MTUS1: variants seen among roughly 807,000 people sequenced by gnomAD.
MTUS1 encodes the protein microtubule-associated tumor suppressor 1.
In MTUS1, 109 loss-of-function variants were observed where a neutral mutation model predicts 120.8. That is an observed-to-expected ratio of 0.90 (90% CI 0.77 to 1.06). The LOEUF (loss-of-function observed/expected upper bound fraction) is 1.06, where lower values mean the gene tolerates loss of function less well. Among genes scored for constraint, MTUS1 ranks in the 50% least tolerant of loss-of-function variants. MTUS1 has a pLI of 0.00. For synonymous variants in MTUS1, 737 were observed against 550.5 expected, an observed-to-expected ratio of 1.34 and a Z score of -4.74; for missense variants, 2,210 against 1,486.3, an observed-to-expected ratio of 1.49 and a Z score of -8.01.
chr8:17,711,453 CT>C (rs142596228), intron 6 of MTUS1, among the ~76,000 whole-genome samples: 22,453 of 150,916 alleles, frequency 0.15, 1,745 homozygotes, highest in Non-Finnish European at 0.16. Context: ...TAGCTTCCAG[CT>C]TTTTTTTTTC....
rs374702471 is a variant in MTUS1 at position 17,654,512 on chromosome 8, G to A, written c.3214+49C>T. Reference sequence around the variant, plus strand: ...TCATTTCCATCTTAAAACATCATGTGGTTCCTTCAGATTTTATTCTGTTTA... The same window carrying A: ...TCATTTCCATCTTAAAACATCATGTAGTTCCTTCAGATTTTATTCTGTTTA... On this transcript the variant is annotated intron_variant, in intron 10 of 14. Coordinates refer to ENST00000693296, the MANE Select transcript of MTUS1 (RefSeq NM_001363059.2). The A allele has an allele frequency of 1.5e-5, 18 of 1,193,378 alleles. No homozygotes were observed. In the African/African-American group the frequency reaches 2.7e-4, roughly 18 times the overall value. 73.9% of individuals were successfully genotyped at this position (1,193,378 alleles called of 1,614,324 possible). A position where few individuals can be genotyped will look rare whatever the true frequency, so the allele number is the denominator to read the frequency against.
At chr8:17,726,939 T>C (rs2131142136) in intron 3 of MTUS1, among the ~76,000 whole-genome samples, 1 of 152,288 alleles carries the variant, frequency 6.6e-6, no homozygotes, top group Non-Finnish European at 1.5e-5. Flanking sequence ...CCTCATAGCT[T>C]TGTTTCTAAA....
intron 1 of MTUS1, among the ~76,000 whole-genome samples, chr8:17,760,118 G>T (rs2131373428): frequency 6.6e-6 from 1 of 150,906 alleles, no homozygotes; most frequent in African/African-American, 2.4e-5. Flanking sequence ...CAGAAGGCTA[G>T]GGAGAAAGGA....
chr8:17,667,057 T>C (rs746795159), intron 8 of MTUS1, among the ~76,000 whole-genome samples: 4 of 152,120 alleles, frequency 2.6e-5, no homozygotes, highest in African/African-American at 7.2e-5. Flanking sequence ...AGACTGGAGT[T>C]AGGACAAGGA....
chr8:17,722,287 T>A lies in MTUS1; in HGVS notation c.2449+1385A>T, dbSNP rs962310330. Reference sequence around the variant, plus strand: ...CGGGGCTGTGGCACTACAGACTGTGTCTGCTTCAAGTGCCACAAATTCTGT... The same window carrying A: ...CGGGGCTGTGGCACTACAGACTGTGACTGCTTCAAGTGCCACAAATTCTGT... On this transcript the variant is annotated intron_variant, in intron 4 of 14. Coordinates refer to ENST00000693296, the MANE Select transcript of MTUS1 (RefSeq NM_001363059.2). 7 of 982,240 alleles carry A rather than the reference T, an allele frequency of 7.1e-6. No homozygotes were observed. In the African/African-American group the frequency reaches 1.0e-4, roughly 15 times the overall value. 60.8% of individuals were successfully genotyped at this position (982,240 alleles called of 1,614,324 possible). A position where few individuals can be genotyped will look rare whatever the true frequency, so the allele number is the denominator to read the frequency against.
chr8:17,745,069 G>C (rs1331372163), intron 2 of MTUS1, among the ~76,000 whole-genome samples: 1 of 152,052 alleles, frequency 6.6e-6, no homozygotes, highest in Non-Finnish European at 1.5e-5. Context: ...CTCATATTTG[G>C]GTCAGAATAA....
intron 3 of MTUS1, among the ~76,000 whole-genome samples, 186 bp downstream of exon 3, chr8:17,743,418 C>G (rs1056783007): frequency 1.3e-5 from 2 of 152,196 alleles, no homozygotes; most frequent in Non-Finnish European, 2.9e-5. Context: ...CTCTCCTCAA[C>G]TAGCCTTTGC....
chr8:17,678,373 A>C (rs1471060662), intron 7 of MTUS1, among the ~76,000 whole-genome samples: 3 of 31,688 alleles, frequency 9.5e-5, no homozygotes, highest in Non-Finnish European at 2.3e-4. Context: ...GAAAAAAGAG[A>C]AAGGTGGAAA....
intron 1 of MTUS1, among the ~76,000 whole-genome samples, chr8:17,768,353 A>G (rs527794541): frequency 7.9e-5 from 12 of 152,340 alleles, no homozygotes; most frequent in African/African-American, 2.9e-4. Context: ...AGAGGTTCAA[A>G]ACATGAATAA....
intron 7 of MTUS1, among the ~76,000 whole-genome samples, chr8:17,682,016 A>G (rs1314766079): frequency 6.6e-6 from 1 of 152,172 alleles, no homozygotes; most frequent in East Asian, 1.9e-4. Flanking sequence ...CACTTACCAC[A>G]CATCTCAATT....
intron 2 of MTUS1, among the ~76,000 whole-genome samples, chr8:17,751,862 TAAAAAAAAAAAAA>T (rs56362055): frequency 3.1e-5 from 3 of 96,546 alleles, no homozygotes; most frequent in Admixed American, 2.6e-4. Context: ...GACTCTGCCT[TAAAAAAAAAAAAA>T]AAAAAAAAAA....
intron 6 of MTUS1, among the ~76,000 whole-genome samples, chr8:17,698,444 C>T (rs1297714188): frequency 1.3e-5 from 2 of 152,054 alleles, no homozygotes; most frequent in African/African-American, 4.8e-5. Context: ...CAACAATATG[C>T]CCACTTAAGC....
intron 6 of MTUS1, chr8:17,705,883 T>G (rs1331401460): frequency 6.6e-6 from 1 of 152,244 alleles, no homozygotes; most frequent in Non-Finnish European, 1.5e-5. Context: ...CTCTGATGCC[T>G]CTGGTATGCC....
intron 1 of MTUS1, among the ~76,000 whole-genome samples, chr8:17,766,056 T>C (rs544949496): frequency 4.9e-4 from 74 of 152,312 alleles, no homozygotes; most frequent in Non-Finnish European, 9.3e-4. Flanking sequence ...TTTACCTTTG[T>C]TTAAATAAAA....
chr8:17,663,699 G>A (rs1048637782), intron 8 of MTUS1, among the ~76,000 whole-genome samples: 2 of 152,060 alleles, frequency 1.3e-5, no homozygotes, highest in African/African-American at 4.8e-5. Flanking sequence ...AGGTTTAAGC[G>A]ATTCTCCTGC....
At chr8:17,713,459 G>C (rs370002746) in intron 5 of MTUS1, among the ~76,000 whole-genome samples, 2 of 151,948 alleles carry the variant, frequency 1.3e-5, no homozygotes, top group South Asian at 2.1e-4. Flanking sequence ...AAATGTTTAA[G>C]TATGATATGA....
At chr8:17,725,906 C>G (rs531720561) in intron 3 of MTUS1, among the ~76,000 whole-genome samples, 4 of 152,136 alleles carry the variant, frequency 2.6e-5, no homozygotes, top group Non-Finnish European at 4.4e-5. Context: ...GGATGGTGAT[C>G]GTAGTTTCAA....
chr8:17,754,762 T>A lies in MTUS1; in HGVS notation c.1046A>T (p.Glu349Val). 6.2e-7 allele frequency: 1 copy of A among 1,614,260 alleles called. No individual in the cohort carries two copies. Among genetic ancestry groups the A allele is most frequent in the Non-Finnish European group, 8.5e-7 (1 of 1,180,048 alleles). The change falls in exon 2 of 15, where the codon GAA (glutamate) becomes GTA (valine). Residue 349 changes from glutamate to valine, a missense_variant. Physicochemically the swap from Glu to Val is moderately radical, Grantham distance 121 (BLOSUM62 -2). Transcript: ENST00000693296. ...ETVSYCLIDD[E>V]CPLMVPAFDK... ...AAAAGCTGGCACCATTAAAGGGCAT[T>A]CATCATCAATAAGACAATAGGACAC...
intron 6 of MTUS1, among the ~76,000 whole-genome samples, chr8:17,702,787 C>G (rs1029376494): frequency 2.0e-5 from 3 of 152,136 alleles, no homozygotes; most frequent in Non-Finnish European, 4.4e-5. Context: ...TTAGGTTGTT[C>G]CCACATCCTG....
Sources: allele counts gnomAD v4.1 joint callset (sites outside exome capture counted in the v4.1 genomes callset), GRCh38; gene constraint gnomAD v4.1.1; transcripts MANE v1.5; gene names NCBI Gene and HGNC (gene_info 2026-07-23, HGNC 2026-07-21).